RAD18: variants seen among roughly 807,000 people sequenced by gnomAD.
RAD18 encodes the protein RAD18 E3 ubiquitin protein ligase.
Under a neutral mutation model 60.4 loss-of-function variants are expected in RAD18, and 47 were observed. The ratio of observed to expected loss-of-function variants is 0.78; its 90% confidence interval spans 0.62 to 0.99. The LOEUF (loss-of-function observed/expected upper bound fraction) is 0.99, where lower values mean the gene tolerates loss of function less well. Among genes scored for constraint, RAD18 ranks in the 50% least tolerant of loss-of-function variants. RAD18 has a pLI of 0.00. For missense variants in RAD18, 640 were observed against 593.3 expected (o/e 1.08, Z -0.82); for synonymous variants, 225 against 195.5 (o/e 1.15, Z -1.26).
At chr3:8,934,853 G>A (rs1236048895) in intron 7 of RAD18, among the ~76,000 whole-genome samples, 2 of 152,034 alleles carry the variant, frequency 1.3e-5, no homozygotes, top group Admixed American at 6.5e-5. Context: ...AAGATGATAC[G>A]TTTATACAAT....
rs200525677 is a variant in RAD18, at chr3:8,947,220, C to T, written c.266G>A (p.Arg89Gln). ...DELVKSLNFA[R>Q]NHLLQFALES... ...GGTTAGTCACAAAATTAAATCATAC[C>T]GTGCAAAATTCAAGCTTTTTACCAG... Residue 89 changes from arginine to glutamine, a missense_variant and splice_region_variant, in exon 4 of 13, where the codon CGG (arginine) becomes CAG (glutamine). Coordinates refer to ENST00000264926, the MANE Select transcript of RAD18 (RefSeq NM_020165.4). 6.3e-6 allele frequency: 10 copies of T among 1,592,872 alleles called. No homozygotes were observed. Among genetic ancestry groups the T allele is most frequent in the Admixed American group, 1.7e-5 (1 of 59,620 alleles).
chr3:8,912,530 T>C (rs1940121675), intron 8 of RAD18, 158 bp from the exon 9 acceptor site: 1 of 442,872 alleles, frequency 2.3e-6, no homozygotes, highest in Admixed American at 4.4e-5. Context: ...TCCTATGTAC[T>C]TCCCTTAAAT....
chr3:8,888,276 C>T (rs1311568498), intron 12 of RAD18, among the ~76,000 whole-genome samples: 1 of 152,194 alleles, frequency 6.6e-6, no homozygotes, highest in Non-Finnish European at 1.5e-5. Context: ...CGTGGCCACA[C>T]TGACTAATCA....
chr3:8,888,970 T>G (rs1939633423), intron 12 of RAD18, among the ~76,000 whole-genome samples: 2 of 152,198 alleles, frequency 1.3e-5, no homozygotes, highest in Admixed American at 6.5e-5. Flanking sequence ...AGGAAAGTAG[T>G]TAGCTAAGGA....
intron 7 of RAD18, among the ~76,000 whole-genome samples, chr3:8,930,954 A>G (rs1940542591): frequency 2.0e-5 from 3 of 152,200 alleles, no homozygotes; most frequent in Admixed American, 6.5e-5. Flanking sequence ...GATTGGAGAA[A>G]GGAAAGGATG....
intron 4 of RAD18, among the ~76,000 whole-genome samples, chr3:8,944,432 A>G (rs1940806608): frequency 6.6e-6 from 1 of 152,104 alleles, no homozygotes; most frequent in Non-Finnish European, 1.5e-5. Context: ...GCTAATTGGG[A>G]GGCAGAGGCA....
chr3:8,947,127 C>T, intron 4 of RAD18, 93 bp downstream of exon 4: 2 of 946,816 alleles, frequency 2.1e-6, no homozygotes, highest in South Asian at 1.6e-5. Context: ...ATATGCAACC[C>T]TGCATTCCCT....
intron 2 of RAD18, among the ~76,000 whole-genome samples, chr3:8,951,270 G>A (rs1310756676): frequency 6.6e-6 from 1 of 152,036 alleles, no homozygotes; most frequent in Non-Finnish European, 1.5e-5. Context: ...GCTGTAGTGG[G>A]GGCCTTACCT....
chr3:8,887,025 G>T (rs1294224155), intron 12 of RAD18, among the ~76,000 whole-genome samples: 1 of 152,222 alleles, frequency 6.6e-6, no homozygotes, highest in Non-Finnish European at 1.5e-5. Context: ...AAGGCAGAGA[G>T]ACAGCTAGAC....
At chr3:8,889,152 C>T (rs975731520) in intron 12 of RAD18, among the ~76,000 whole-genome samples, 1 of 152,186 alleles carries the variant, frequency 6.6e-6, no homozygotes. Flanking sequence ...AGTGATTCAG[C>T]TATGAAACTA....
At chr3:8,917,926 G>A (rs904095625) in intron 7 of RAD18, among the ~76,000 whole-genome samples, 7 of 152,154 alleles carry the variant, frequency 4.6e-5, no homozygotes, top group African/African-American at 1.7e-4. Flanking sequence ...TATGGAAAGA[G>A]ATGTCTCATG....
intron 11 of RAD18, 90 bp from the exon 12 acceptor site, chr3:8,890,541 T>C: frequency 3.0e-6 from 3 of 995,304 alleles, no homozygotes; most frequent in Non-Finnish European, 4.6e-6. Context: ...CAAATGAGTC[T>C]ATAGTGACAG....
chr3:8,908,894 G>A (rs906479500), intron 9 of RAD18, among the ~76,000 whole-genome samples: 1 of 152,118 alleles, frequency 6.6e-6, no homozygotes, highest in Non-Finnish European at 1.5e-5. Flanking sequence ...TGTCTGGCAC[G>A]TGCTAAGTAC....
chr3:8,919,131 T>C (rs904163409), intron 7 of RAD18, among the ~76,000 whole-genome samples: 1 of 152,196 alleles, frequency 6.6e-6, no homozygotes, highest in African/African-American at 2.4e-5. Flanking sequence ...CAACAGTCTC[T>C]AGGTAGCAAT....
chr3:8,909,748 G>A (rs1050731974), intron 9 of RAD18, among the ~76,000 whole-genome samples: 7 of 152,164 alleles, frequency 4.6e-5, no homozygotes, highest in Non-Finnish European at 8.8e-5. Context: ...TATACCAGGG[G>A]TGTCCAATCT....
Position 8,963,422 on chromosome 3 carries a change from T to C in RAD18, c.-37A>G. 6.4e-7 allele frequency: 1 copy of C among 1,552,648 alleles called. No homozygotes were observed. Among genetic ancestry groups the C allele is most frequent in the Non-Finnish European group, 8.8e-7 (1 of 1,141,190 alleles). ...AGGATGCTGGGGGTCAGCCACCCAC[T>C]AGCCTCCGGCGCTCCAACACCACTC... On this transcript the variant is annotated 5_prime_UTR_variant, in exon 1 of 13. Coordinates refer to ENST00000264926, the MANE Select transcript of RAD18 (RefSeq NM_020165.4).
At chr3:8,914,859 C>A (rs1050023474) in intron 7 of RAD18, among the ~76,000 whole-genome samples, 5 of 152,126 alleles carry the variant, frequency 3.3e-5, no homozygotes, top group African/African-American at 1.2e-4. Flanking sequence ...GAAAACTAGG[C>A]CAGGCGCAGT....
intron 2 of RAD18, among the ~76,000 whole-genome samples, chr3:8,950,620 T>C (rs1379715974): frequency 6.6e-6 from 1 of 152,188 alleles, no homozygotes; most frequent in Non-Finnish European, 1.5e-5. Flanking sequence ...ACCCAGGACA[T>C]CATTTCCAGT....
intron 9 of RAD18, among the ~76,000 whole-genome samples, chr3:8,904,281 TGTTA>T (rs1287370315): frequency 5.9e-4 from 90 of 152,334 alleles, no homozygotes; most frequent in African/African-American, 2.1e-3. Context: ...ATGAGAATGA[TGTTA>T]GTTGTTTTTG....
Sources: allele counts gnomAD v4.1 joint callset (sites outside exome capture counted in the v4.1 genomes callset), GRCh38; gene constraint gnomAD v4.1.1; transcripts MANE v1.5; gene names NCBI Gene and HGNC (gene_info 2026-07-23, HGNC 2026-07-21).